Variants in RCAN2 observed in about 807,000 individuals in gnomAD.
RCAN2 encodes calcipressin-2.
A neutral mutation model predicts 23.6 loss-of-function variants in RCAN2; 9 were observed. That is an observed-to-expected ratio of 0.38 (90% confidence interval 0.23 to 0.67). The LOEUF (loss-of-function observed/expected upper bound fraction) is 0.67, where lower values mean the gene tolerates loss of function less well. RCAN2 is among the 30% of genes least tolerant of loss of function. The pLI is 0.51. For synonymous variants in RCAN2, 109 were observed against 115.7 expected (o/e 0.94, Z 0.37); for missense variants, 273 against 302.3 (o/e 0.90, Z 0.72).
Position 46,246,938 on chromosome 6 carries a change from A to G in RCAN2, c.400-19T>C. 1.3e-6 allele frequency: 2 copies of G among 1,493,600 alleles called. No individual in the cohort carries two copies. The highest frequency in any genetic ancestry group is 8.9e-7 in the Non-Finnish European group (1 of 1,119,574). 92.5% of individuals were successfully genotyped at this position (1,493,600 alleles called of 1,614,324 possible). On this transcript the variant is annotated intron_variant, in intron 3 of 4. Transcript: ENST00000371374. The stretch of plus-strand genomic sequence containing the variant: ...TCTGAACCTTTCAAATAGAGTAGAG[A>G]TGAAGAAACTTATTCATCATGGCTT...
At chr6:46,420,856 A>C (rs543742153) in intron 2 of RCAN2, among the ~76,000 whole-genome samples, 1 of 152,098 alleles carries the variant, frequency 6.6e-6, no homozygotes, top group Non-Finnish European at 1.5e-5. Context: ...CTGATCAACT[A>C]TTTTTAACTG....
intron 2 of RCAN2, among the ~76,000 whole-genome samples, chr6:46,436,374 G>A (rs1282386363): frequency 3.9e-5 from 6 of 152,124 alleles, no homozygotes; most frequent in East Asian, 1.9e-4. Flanking sequence ...CAGCATGCCC[G>A]GCTAATTTTT....
intron 1 of RCAN2, among the ~76,000 whole-genome samples, chr6:46,472,595 G>C (rs566571083): frequency 6.6e-6 from 1 of 152,174 alleles, no homozygotes; most frequent in South Asian, 2.1e-4. Flanking sequence ...CATCATAATG[G>C]AGAAAGACAC....
intron 2 of RCAN2, among the ~76,000 whole-genome samples, chr6:46,403,999 A>G (rs1230797820): frequency 6.6e-6 from 1 of 152,092 alleles, no homozygotes; most frequent in Non-Finnish European, 1.5e-5. Context: ...AGGAGGGTGG[A>G]TCACCTAAGG....
intron 2 of RCAN2, among the ~76,000 whole-genome samples, chr6:46,303,086 C>A (rs1026375643): frequency 6.6e-6 from 1 of 151,920 alleles, no homozygotes; most frequent in African/African-American, 2.4e-5. Context: ...ACAGGAACTG[C>A]AGTAACTCAC....
intron 4 of RCAN2, among the ~76,000 whole-genome samples, chr6:46,243,586 G>A (rs757410373): frequency 6.6e-6 from 1 of 151,948 alleles, no homozygotes; most frequent in Admixed American, 6.6e-5. Flanking sequence ...TGAGGCGGGT[G>A]GATCACGAGG....
intron 2 of RCAN2, among the ~76,000 whole-genome samples, chr6:46,351,514 C>T (rs947834946): frequency 6.6e-6 from 1 of 152,200 alleles, no homozygotes; most frequent in African/African-American, 2.4e-5. Flanking sequence ...AAATCTCTCA[C>T]ATACCAATGC....
intron 2 of RCAN2, among the ~76,000 whole-genome samples, chr6:46,335,866 A>G (rs1764124650): frequency 6.6e-6 from 1 of 152,156 alleles, no homozygotes; most frequent in South Asian, 2.1e-4. Flanking sequence ...TCATACTATC[A>G]TTTCCTTAGG....
At chr6:46,431,047 G>A (rs1374471870) in intron 2 of RCAN2, among the ~76,000 whole-genome samples, 2 of 152,082 alleles carry the variant, frequency 1.3e-5, no homozygotes, top group Non-Finnish European at 2.9e-5. Context: ...TGCTCTTGGA[G>A]GAACTTTCTG....
At chr6:46,236,600 TG>T (rs1187674464) in intron 4 of RCAN2, among the ~76,000 whole-genome samples, 5 of 152,220 alleles carry the variant, frequency 3.3e-5, no homozygotes, top group Non-Finnish European at 7.3e-5. Context: ...TACACATTAG[TG>T]TTCAATGAAT....
intron 2 of RCAN2, among the ~76,000 whole-genome samples, chr6:46,279,591 G>A (rs1450482317): frequency 6.6e-6 from 1 of 152,172 alleles, no homozygotes. Context: ...GTACATTCCT[G>A]CCTCCGGATC....
chr6:46,331,641 C>A (rs1733385234), intron 2 of RCAN2, among the ~76,000 whole-genome samples: 1 of 152,162 alleles, frequency 6.6e-6, no homozygotes. Flanking sequence ...CAAGGAACCC[C>A]AGTTCCACTT....
At chr6:46,237,000 T>C (rs1455708723) in intron 4 of RCAN2, among the ~76,000 whole-genome samples, 1 of 152,080 alleles carries the variant, frequency 6.6e-6, no homozygotes, top group Non-Finnish European at 1.5e-5. Flanking sequence ...AGGTAGTAAA[T>C]GGCAGAGCCA....
At chr6:46,245,675 A>T (rs1766488642) in intron 4 of RCAN2, among the ~76,000 whole-genome samples, 1 of 152,232 alleles carries the variant, frequency 6.6e-6, no homozygotes, top group African/African-American at 2.4e-5. Context: ...TTTAGCTACC[A>T]GTGGTTCTTG....
At chr6:46,248,647 G>C in intron 3 of RCAN2, 76 bp downstream of exon 3, 1 of 1,172,370 alleles carries the variant, frequency 8.5e-7, no homozygotes, top group South Asian at 1.7e-5. Flanking sequence ...AAAATAGAAA[G>C]GGCTTCATTT....
At chr6:46,461,273 T>A (rs1004688742) in intron 1 of RCAN2, among the ~76,000 whole-genome samples, 2 of 152,132 alleles carry the variant, frequency 1.3e-5, no homozygotes, top group African/African-American at 2.4e-5. Context: ...CCCTGTGTGA[T>A]TATATATTCT....
intron 2 of RCAN2, chr6:46,325,342 C>T (rs1372316526): frequency 3.1e-6 from 5 of 1,605,820 alleles, no homozygotes; most frequent in African/African-American, 2.7e-5. Flanking sequence ...AAGGCTCTGC[C>T]AAGCAGCGTC....
At chr6:46,420,169 C>T (rs896789145) in intron 2 of RCAN2, among the ~76,000 whole-genome samples, 3 of 150,608 alleles carry the variant, frequency 2.0e-5, no homozygotes, top group Non-Finnish European at 4.4e-5. Flanking sequence ...ACAACCCTCA[C>T]ATTAAAAAAA....
chr6:46,338,399 G>A (rs989582225), intron 2 of RCAN2, among the ~76,000 whole-genome samples: 1 of 152,074 alleles, frequency 6.6e-6, no homozygotes, highest in African/African-American at 2.4e-5. Context: ...GTTCGGGTGT[G>A]GTGTCTCATT....
Sources: allele counts gnomAD v4.1 joint callset (sites outside exome capture counted in the v4.1 genomes callset), GRCh38; gene constraint gnomAD v4.1.1; transcripts MANE v1.5; gene names NCBI Gene and HGNC (gene_info 2026-07-23, HGNC 2026-07-21).